Variants in MAST4 observed in about 807,000 individuals in gnomAD.
MAST4 encodes the protein microtubule associated serine/threonine kinase family member 4.
A neutral mutation model predicts 162.7 loss-of-function variants in MAST4; 89 were observed. That is an observed-to-expected ratio of 0.55 (90% CI 0.46 to 0.65). MAST4 has a LOEUF of 0.65. MAST4 is among the 30% of genes least tolerant of loss of function. The probability of loss-of-function intolerance (pLI) is 0.00; values close to 1 mark genes in which losing one functional copy is unlikely to be tolerated. For missense variants in MAST4, 3,153 were observed against 3,374.0 expected (o/e 0.93, Z 1.62); for synonymous variants, 1,479 against 1,361.1 (o/e 1.09, Z -1.91).
chr5:67,135,947 A>G (rs542554042), intron 18 of MAST4, among the ~76,000 whole-genome samples: 2 of 152,354 alleles, frequency 1.3e-5, no homozygotes, highest in East Asian at 3.8e-4. Flanking sequence ...CTTAATATTT[A>G]TGACAGATTT....
intron 22 of MAST4, 60 bp from the exon 23 acceptor site, chr5:67,145,084 T>C: frequency 7.1e-7 from 1 of 1,406,684 alleles, no homozygotes; most frequent in East Asian, 2.5e-5. Context: ...TCTTCCAAAA[T>C]TCACCTTTAA....
At chr5:67,076,555 T>C (rs1417818306) in intron 5 of MAST4, among the ~76,000 whole-genome samples, 4 of 152,152 alleles carry the variant, frequency 2.6e-5, no homozygotes, top group Non-Finnish European at 5.9e-5. Context: ...TCAGTATCAT[T>C]TTTTGTTACA....
At chr5:67,041,447 G>T (rs899410840) in intron 4 of MAST4, among the ~76,000 whole-genome samples, 30 of 152,296 alleles carry the variant, frequency 2.0e-4, no homozygotes, top group African/African-American at 6.0e-4. Context: ...ATGCCTGAGA[G>T]AATGTATACC....
intron 4 of MAST4, among the ~76,000 whole-genome samples, chr5:67,038,150 A>G (rs894581619): frequency 3.3e-5 from 5 of 151,844 alleles, no homozygotes; most frequent in Non-Finnish European, 2.9e-5. Flanking sequence ...CACTTTGTCT[A>G]CCTGGCTATT....
intron 1 of MAST4, among the ~76,000 whole-genome samples, chr5:66,724,553 T>G (rs1448040612): frequency 2.0e-5 from 3 of 152,166 alleles, no homozygotes; most frequent in Non-Finnish European, 4.4e-5. Context: ...CTGAGAAGCA[T>G]GTCATTAAGC....
chr5:66,779,664 G>C (rs975336532), intron 2 of MAST4, among the ~76,000 whole-genome samples: 4 of 152,138 alleles, frequency 2.6e-5, no homozygotes, highest in African/African-American at 4.8e-5. Flanking sequence ...AGATGAATAA[G>C]GGAAGCTGTA....
chr5:67,034,145 T>C (rs1232691457), intron 4 of MAST4, among the ~76,000 whole-genome samples: 1 of 152,166 alleles, frequency 6.6e-6, no homozygotes. Flanking sequence ...TGTTGTGTTG[T>C]CATCACAAGC....
chr5:67,144,440 C>A (rs1260019205), intron 21 of MAST4, among the ~76,000 whole-genome samples: 1 of 137,852 alleles, frequency 7.3e-6, no homozygotes, highest in Non-Finnish European at 1.6e-5. Context: ...ATTCATAGCT[C>A]CCTATTCGTA....
chr5:66,646,289 G>T (rs181026391), intron 1 of MAST4, among the ~76,000 whole-genome samples: 1 of 152,030 alleles, frequency 6.6e-6, no homozygotes, highest in Non-Finnish European at 1.5e-5. Flanking sequence ...TGTTTTTAGA[G>T]CCCAACATTT....
At chr5:66,901,327 A>T (rs528914253) in intron 4 of MAST4, among the ~76,000 whole-genome samples, 3 of 152,026 alleles carry the variant, frequency 2.0e-5, no homozygotes, top group Non-Finnish European at 2.9e-5. Context: ...TTGTTTTATC[A>T]TGTTAGTGTT....
At chr5:66,965,514 T>C (rs1280323084) in intron 4 of MAST4, among the ~76,000 whole-genome samples, 2 of 141,570 alleles carry the variant, frequency 1.4e-5, no homozygotes, top group Non-Finnish European at 3.0e-5. Context: ...GGGAAAAAGT[T>C]TTAGGGAACT....
At chr5:67,008,184 G>A (rs1214177853) in intron 4 of MAST4, among the ~76,000 whole-genome samples, 3 of 152,176 alleles carry the variant, frequency 2.0e-5, no homozygotes, top group African/African-American at 7.2e-5. Context: ...GCTGCTTTGA[G>A]GGACAGAAAC....
At chr5:67,117,622 C>T (rs1286597429) in intron 12 of MAST4, among the ~76,000 whole-genome samples, 1 of 151,648 alleles carries the variant, frequency 6.6e-6, no homozygotes, top group African/African-American at 2.4e-5. Context: ...TTTTATTATG[C>T]ATGTTCAATT....
At chr5:66,890,414 A>G (rs901088106) in intron 3 of MAST4, among the ~76,000 whole-genome samples, 4 of 152,170 alleles carry the variant, frequency 2.6e-5, no homozygotes, top group African/African-American at 9.7e-5. Flanking sequence ...CAAGGGTATA[A>G]TGTGTTAGGA....
intron 5 of MAST4, among the ~76,000 whole-genome samples, chr5:67,064,099 A>G (rs913409622): frequency 3.3e-5 from 5 of 152,204 alleles, no homozygotes; most frequent in African/African-American, 9.6e-5. Flanking sequence ...GTTGGAAGCC[A>G]TTAATTCACT....
intron 1 of MAST4, among the ~76,000 whole-genome samples, chr5:66,615,184 G>A (rs1238115295): frequency 2.6e-5 from 4 of 152,140 alleles, no homozygotes; most frequent in African/African-American, 4.8e-5. Flanking sequence ...AAAGTGAGTA[G>A]ATTTCCCTGG....
chr5:67,162,830 G>A (rs767680560), intron 28 of MAST4, 42 bp downstream of exon 28: 57 of 1,578,220 alleles, frequency 3.6e-5, no homozygotes, highest in Non-Finnish European at 4.3e-5. Flanking sequence ...GGGAGGGGAG[G>A]TAAAGTCATG....
chr5:66,665,353 G>A (rs1174169464), intron 1 of MAST4, among the ~76,000 whole-genome samples: 1 of 152,120 alleles, frequency 6.6e-6, no homozygotes, highest in Non-Finnish European at 1.5e-5. Flanking sequence ...AACAATGGCT[G>A]GGATCCAGTG....
intron 1 of MAST4, among the ~76,000 whole-genome samples, chr5:66,613,322 CT>C (rs67203546): frequency 1.7e-3 from 244 of 141,740 alleles, no homozygotes; most frequent in East Asian, 2.2e-3. Flanking sequence ...TCAGATAACC[CT>C]TTTTTTTTTT....
Sources: allele counts gnomAD v4.1 joint callset (sites outside exome capture counted in the v4.1 genomes callset), GRCh38; gene constraint gnomAD v4.1.1; transcripts MANE v1.5; gene names NCBI Gene and HGNC (gene_info 2026-07-23, HGNC 2026-07-21).